GRIK4: variants seen among roughly 807,000 people sequenced by gnomAD.
GRIK4 encodes the protein glutamate ionotropic receptor kainate type subunit 4.
In GRIK4, 40 loss-of-function variants were observed where a neutral mutation model predicts 104.9. The ratio of observed to expected loss-of-function variants is 0.38; its 90% CI spans 0.30 to 0.50. The LOEUF (loss-of-function observed/expected upper bound fraction) is 0.50. GRIK4 is among the 20% of genes least tolerant of loss of function. The pLI, the probability that GRIK4 is intolerant of heterozygous loss-of-function variation, is 0.93. For missense variants in GRIK4, 1,047 were observed against 1,308.1 expected, an observed-to-expected ratio of 0.80 and a Z score of 3.08; for synonymous variants, 485 against 524.9, an observed-to-expected ratio of 0.92 and a Z score of 1.04.
intron 13 of GRIK4, among the ~76,000 whole-genome samples, chr11:120,927,340 G>T (rs576619956): frequency 3.9e-5 from 6 of 152,244 alleles, no homozygotes; most frequent in Non-Finnish European, 8.8e-5. Context: ...GCCAAGGCAG[G>T]CTGATCACTT....
intron 11 of GRIK4, among the ~76,000 whole-genome samples, chr11:120,882,213 C>T (rs781510665): frequency 1.3e-5 from 2 of 151,982 alleles, no homozygotes; most frequent in African/African-American, 2.4e-5. Context: ...AGGAGAAGGG[C>T]TATTAAGGCT....
chr11:120,802,971 C>A, intron 4 of GRIK4, 114 bp downstream of exon 4: 1 of 935,162 alleles, frequency 1.1e-6, no homozygotes, highest in Non-Finnish European at 1.6e-6. Flanking sequence ...GTCGATATTT[C>A]CAGAGGAAGG....
Position 120,901,252 on chromosome 11 carries a change from C to T in GRIK4, c.1272+2613C>T, listed in dbSNP as rs75581693. On this transcript the variant is annotated intron_variant, in intron 12 of 20. Coordinates refer to ENST00000527524, the MANE Select transcript of GRIK4 (RefSeq NM_014619.5). The stretch of plus-strand genomic sequence containing the variant: ...CATAACCCTTGTAACCAGGCCCAGC[C>T]CACCTCGCCTTCTCCTCCCCATGCA... Among the ~76,000 whole-genome samples the T allele has an allele frequency of 5.1e-3, 781 of 152,150 alleles. 8 individuals are homozygous for T. The highest frequency in any genetic ancestry group is 0.018 in the African/African-American group (749 of 41,502).
intron 3 of GRIK4, among the ~76,000 whole-genome samples, chr11:120,681,637 G>A (rs760989296): frequency 2.6e-5 from 4 of 152,344 alleles, no homozygotes; most frequent in South Asian, 2.1e-4. Context: ...GAGAGGGAGC[G>A]TAATGAGAAC....
chr11:120,794,397 C>A (rs1183291573), intron 3 of GRIK4, among the ~76,000 whole-genome samples: 1 of 151,826 alleles, frequency 6.6e-6, no homozygotes. Context: ...AGGTAAACGG[C>A]GGTTTTAGGG....
At chr11:120,609,278 CT>C (rs781650048) in intron 1 of GRIK4, among the ~76,000 whole-genome samples, 345 of 144,060 alleles carry the variant, frequency 2.4e-3, no homozygotes, top group Non-Finnish European at 2.5e-3. Flanking sequence ...CTGTTTCAGA[CT>C]TTTTTTTTTT....
At chr11:120,541,894 T>G (rs1472785876) in intron 1 of GRIK4, among the ~76,000 whole-genome samples, 10 of 152,194 alleles carry the variant, frequency 6.6e-5, no homozygotes. Flanking sequence ...CTACTCAAAG[T>G]GATTTACAGA....
chr11:120,784,766 C>CACCT (rs908186593), intron 3 of GRIK4, among the ~76,000 whole-genome samples: 1 of 152,048 alleles, frequency 6.6e-6, no homozygotes, highest in Non-Finnish European at 1.5e-5. Context: ...GTCTGCCAGG[C>CACCT]ACCTAGCTTG....
chr11:120,564,970 C>G (rs1390808485), intron 1 of GRIK4, among the ~76,000 whole-genome samples: 1 of 121,824 alleles, frequency 8.2e-6, no homozygotes, highest in African/African-American at 3.3e-5. Context: ...TCGGCTCCGC[C>G]GGCTGCGGGG....
intron 1 of GRIK4, among the ~76,000 whole-genome samples, chr11:120,521,062 C>T (rs1304512308): frequency 6.6e-6 from 1 of 151,860 alleles, no homozygotes; most frequent in Admixed American, 6.6e-5. Context: ...GTTGCAATGC[C>T]ATTTTCTTTT....
intron 3 of GRIK4, among the ~76,000 whole-genome samples, chr11:120,795,058 G>A (rs1326629058): frequency 1.3e-5 from 2 of 152,076 alleles, no homozygotes; most frequent in Middle Eastern, 3.2e-3. Context: ...TCCCCAAGGT[G>A]CAAACTGTCA....
intron 1 of GRIK4, among the ~76,000 whole-genome samples, chr11:120,563,999 G>T (rs1195152853): frequency 6.6e-6 from 1 of 152,204 alleles, no homozygotes; most frequent in Non-Finnish European, 1.5e-5. Flanking sequence ...AACACAAGCT[G>T]CCGGAGAGCC....
At chr11:120,547,843 C>T (rs887866432) in intron 1 of GRIK4, among the ~76,000 whole-genome samples, 2 of 152,182 alleles carry the variant, frequency 1.3e-5, no homozygotes, top group African/African-American at 2.4e-5. Flanking sequence ...ACTGAACCTG[C>T]TCAGTGGAAA....
At chr11:120,718,687 T>A (rs939458024) in intron 3 of GRIK4, among the ~76,000 whole-genome samples, 2 of 152,224 alleles carry the variant, frequency 1.3e-5, no homozygotes, top group Admixed American at 1.3e-4. Flanking sequence ...TCACCTTAGG[T>A]GGGCAGGTGG....
At chr11:120,588,868 G>A (rs1297510341) in intron 1 of GRIK4, among the ~76,000 whole-genome samples, 1 of 152,162 alleles carries the variant, frequency 6.6e-6, no homozygotes, top group African/African-American at 2.4e-5. Context: ...GGTAGCCAAG[G>A]TGTCTCCAGT....
chr11:120,928,525 G>C (rs897302107), intron 13 of GRIK4, among the ~76,000 whole-genome samples: 1 of 152,152 alleles, frequency 6.6e-6, no homozygotes, highest in African/African-American at 2.4e-5. Context: ...TTGAGGATTC[G>C]TGGGCCAGTG....
intron 8 of GRIK4, among the ~76,000 whole-genome samples, chr11:120,859,961 C>T (rs1291452014): frequency 1.3e-5 from 2 of 152,320 alleles, no homozygotes; most frequent in Non-Finnish European, 2.9e-5. Context: ...AGGCCTGTAG[C>T]CTGAGGCCTT....
At chr11:120,786,106 A>G (rs898180777) in intron 3 of GRIK4, among the ~76,000 whole-genome samples, 1 of 151,902 alleles carries the variant, frequency 6.6e-6, no homozygotes, top group African/African-American at 2.4e-5. Context: ...CCTTCCTCTC[A>G]CTGCTGCCTT....
intron 5 of GRIK4, among the ~76,000 whole-genome samples, chr11:120,816,115 G>A (rs1042773800): frequency 4.6e-5 from 7 of 151,822 alleles, no homozygotes; most frequent in Non-Finnish European, 1.0e-4. Context: ...TTCCATGGGA[G>A]AAAAAAAATG....
Sources: gnomAD v4.1 joint callset for allele counts (sites outside exome capture counted in the v4.1 genomes callset) on GRCh38, gnomAD v4.1.1 for gene constraint, MANE v1.5 for transcripts, NCBI Gene and HGNC (gene_info 2026-07-23, HGNC 2026-07-21) for gene names.